BCOR: variants seen among roughly 807,000 people sequenced by gnomAD.
BCOR encodes the protein BCL-6 corepressor.
In BCOR, 10 loss-of-function variants were observed where a neutral mutation model predicts 86.7. The observed-to-expected ratio is 0.12, with a 90% confidence interval of 0.07 to 0.20. The LOEUF (loss-of-function observed/expected upper bound fraction) is 0.20, where lower values mean the gene tolerates loss of function less well. Among genes scored for constraint, BCOR ranks in the 10% least tolerant of loss-of-function variants. The probability of loss-of-function intolerance (pLI) is 1.00; values close to 1 mark genes in which losing one functional copy is unlikely to be tolerated. For synonymous variants in BCOR, 611 were observed against 609.0 expected (o/e 1.00, Z -0.05); for missense variants, 1,259 against 1,452.1 (o/e 0.87, Z 2.16).
At chrX:40,158,141 C>G (rs1479361342) in intron 1 of BCOR, among the ~76,000 whole-genome samples, 1 of 112,351 alleles carries the variant, frequency 8.9e-6, no homozygotes, top group Non-Finnish European at 1.9e-5. Flanking sequence ...CTGGCCGTCC[C>G]GATCCCAGCC....
At chrX:40,177,080 T>A (rs1317579235) in exon 1 of BCOR, 2 of 109,028 alleles carry the variant, frequency 1.8e-5, no homozygotes, top group Non-Finnish European at 3.8e-5. Context: ...GCTTCTAAGA[T>A]TTCACTCCGC....
chrX:40,064,166 A>G (rs758433056), intron 7 of BCOR, among the ~76,000 whole-genome samples, 170 bp downstream of exon 7: 1 of 110,716 alleles, frequency 9.0e-6, no homozygotes, highest in South Asian at 3.9e-4. Context: ...GAACCTCACG[A>G]GGCAGTGTGG....
At chrX:40,054,834 C>G (rs1421910922) in intron 12 of BCOR, among the ~76,000 whole-genome samples, 18 of 112,634 alleles carry the variant, frequency 1.6e-4, no homozygotes, top group Non-Finnish European at 1.9e-5. Context: ...GATAGCCTAA[C>G]TAAGCTGCTT....
chrX:40,054,361 A>G (rs1934481081), intron 12 of BCOR, 28 bp from the exon 13 acceptor site: 1 of 1,129,827 alleles, frequency 8.9e-7, no homozygotes, highest in South Asian at 1.9e-5. Flanking sequence ...TAAAAAAACA[A>G]GATAAAATCT....
intron 13 of BCOR, 86 bp from the exon 14 acceptor site, chrX:40,054,128 A>G (rs192076873): frequency 5.9e-4 from 667 of 1,130,666 alleles, no homozygotes; most frequent in Non-Finnish European, 7.6e-4. Context: ...GAGTTTAAAT[A>G]ACAAGATTCT....
upstream of BCOR, among the ~76,000 whole-genome samples, chrX:40,102,099 T>C (rs927422728): frequency 1.8e-5 from 2 of 112,487 alleles, no homozygotes; most frequent in African/African-American, 6.5e-5. Flanking sequence ...ATTTCACTCA[T>C]CTGGAAACAT....
intron 6 of BCOR, among the ~76,000 whole-genome samples, chrX:40,069,427 G>A (rs1255483839): frequency 4.5e-5 from 5 of 112,029 alleles, no homozygotes; most frequent in African/African-American, 1.3e-4. Context: ...TCTACATCAT[G>A]TGGGGCTTGG....
chrX:40,055,333 T>G (rs1404420977), intron 12 of BCOR, 35 bp downstream of exon 12: 9 of 1,173,385 alleles, frequency 7.7e-6, no homozygotes, highest in African/African-American at 1.8e-5. Context: ...ATCATCTAAT[T>G]TTTGAATAAG....
At chrX:40,168,508 A>G (rs1452504232) in intron 1 of BCOR, among the ~76,000 whole-genome samples, 2 of 113,029 alleles carry the variant, frequency 1.8e-5, no homozygotes, top group Non-Finnish European at 3.8e-5. Flanking sequence ...AGGGTCTCCC[A>G]GTCCACAAGT....
chrX:40,058,342 G>A (rs2146939875), intron 10 of BCOR, among the ~76,000 whole-genome samples: 1 of 112,109 alleles, frequency 8.9e-6, no homozygotes, highest in African/African-American at 3.2e-5. Context: ...TGTTTTCCTA[G>A]CAGTCATGGC....
chrX:40,149,608 C>A (rs1170778240), intron 1 of BCOR, among the ~76,000 whole-genome samples: 2 of 111,304 alleles, frequency 1.8e-5, no homozygotes, highest in Non-Finnish European at 3.8e-5. Flanking sequence ...TGGGGAGGTA[C>A]GGTTTGTTTC....
At chrX:40,156,595 C>A (rs1938300491) in intron 1 of BCOR, among the ~76,000 whole-genome samples, 1 of 113,219 alleles carries the variant, frequency 8.8e-6, no homozygotes, top group Admixed American at 9.2e-5. Flanking sequence ...CCCAGGCCCC[C>A]TTTCAGCAGC....
chrX:40,068,223 T>C (rs1465719316), intron 6 of BCOR: 1 of 112,243 alleles, frequency 8.9e-6, no homozygotes, highest in Non-Finnish European at 1.9e-5. Flanking sequence ...ACCACTGTTA[T>C]AACCACGCCC....
At chrX:40,107,945 G>A (rs1937224418) in intron 1 of BCOR, among the ~76,000 whole-genome samples, 1 of 113,483 alleles carries the variant, frequency 8.8e-6, no homozygotes, top group Non-Finnish European at 1.9e-5. Context: ...TTCGATTGTC[G>A]GAGCGGTTTG....
At chrX:40,112,621 G>A (rs1937329551) in intron 1 of BCOR, among the ~76,000 whole-genome samples, 2 of 111,317 alleles carry the variant, frequency 1.8e-5, no homozygotes, top group Admixed American at 1.9e-4. Context: ...ACACTGCCTC[G>A]TTGGCATGTG....
intron 1 of BCOR, among the ~76,000 whole-genome samples, chrX:40,140,784 G>A (rs923279816): frequency 1.8e-5 from 2 of 113,204 alleles, no homozygotes; most frequent in Non-Finnish European, 3.7e-5. Context: ...CTTCCTATTC[G>A]TATGTGTGGG....
intron 1 of BCOR, among the ~76,000 whole-genome samples, chrX:40,081,350 G>A (rs1224133549): frequency 1.8e-5 from 2 of 112,183 alleles, no homozygotes; most frequent in Non-Finnish European, 3.8e-5. Context: ...CAACGAAGGG[G>A]ACACTGGGGT....
At chrX:40,059,458 A>G (rs886116124) in intron 10 of BCOR, among the ~76,000 whole-genome samples, 1 of 112,456 alleles carries the variant, frequency 8.9e-6, no homozygotes, top group African/African-American at 3.2e-5. Flanking sequence ...GAGGGCTGCA[A>G]TCCAGCCATG....
Position 40,063,012 on chromosome X carries a change from C to G in BCOR, c.3907G>C (p.Gly1303Arg). ...MKSLSSTSAGGKKQAQPSCAP... is the reference protein window; with the variant it reads ...MKSLSSTSAGRKKQAQPSCAP... ...CAGCTTGGCTGAGCCTGCTTTTTGC[C>G]GCCTGCACTGGTGGATGAAAGACTC... Residue 1303 changes from glycine to arginine, a missense_variant, in exon 9 of 15, where the codon GGC (glycine) becomes CGC (arginine). Coordinates refer to ENST00000378444, the MANE Select transcript of BCOR (RefSeq NM_001123385.2). 1 of 1,174,423 alleles carries G rather than the reference C, an allele frequency of 8.5e-7. No homozygotes were observed.
Sources: gnomAD v4.1 joint callset for allele counts (sites outside exome capture counted in the v4.1 genomes callset) on GRCh38, gnomAD v4.1.1 for gene constraint, MANE v1.5 for transcripts, NCBI Gene and HGNC (gene_info 2026-07-23, HGNC 2026-07-21) for gene names.